Variants in TMEM163 observed in about 807,000 individuals in gnomAD.
The protein encoded by TMEM163 is transmembrane protein 163.
Under a neutral mutation model 29.3 loss-of-function variants are expected in TMEM163, and 17 were observed. The observed-to-expected ratio is 0.58, with a 90% CI of 0.40 to 0.87. The LOEUF is 0.87. TMEM163 is among the 40% of genes least tolerant of loss of function. TMEM163 has a pLI of 0.00. For synonymous variants in TMEM163, 157 were observed against 160.6 expected, an observed-to-expected ratio of 0.98 and a Z score of 0.17; for missense variants, 303 against 381.5, an observed-to-expected ratio of 0.79 and a Z score of 1.71.
intron 4 of TMEM163, among the ~76,000 whole-genome samples, chr2:134,519,660 C>T (rs1680150124): frequency 1.3e-5 from 2 of 151,546 alleles, no homozygotes; most frequent in African/African-American, 4.9e-5. Context: ...TGCAGTGAGC[C>T]GAGATCGTGC....
At chr2:134,602,408 A>G (rs1682255733) in intron 2 of TMEM163, among the ~76,000 whole-genome samples, 1 of 152,136 alleles carries the variant, frequency 6.6e-6, no homozygotes, top group South Asian at 2.1e-4. Context: ...GTGGCATCAT[A>G]AGGTAATGGC....
intron 4 of TMEM163, among the ~76,000 whole-genome samples, chr2:134,526,820 T>G (rs1211793737): frequency 6.6e-6 from 1 of 152,190 alleles, no homozygotes; most frequent in East Asian, 1.9e-4. Context: ...GCCATTATAT[T>G]TTAAGAAGAA....
intron 4 of TMEM163, among the ~76,000 whole-genome samples, chr2:134,548,606 G>A (rs1680841020): frequency 6.6e-6 from 1 of 152,206 alleles, no homozygotes; most frequent in Non-Finnish European, 1.5e-5. Flanking sequence ...ATTAAGTCAA[G>A]GTTGATCATC....
chr2:134,610,838 A>G (rs1682490785), intron 2 of TMEM163, among the ~76,000 whole-genome samples: 1 of 152,126 alleles, frequency 6.6e-6, no homozygotes, highest in Non-Finnish European at 1.5e-5. Flanking sequence ...CCAGGGGAGA[A>G]TGTGAGTGTG....
intron 5 of TMEM163, among the ~76,000 whole-genome samples, chr2:134,490,984 AT>A (rs1026861980): frequency 5.9e-5 from 9 of 152,212 alleles, no homozygotes; most frequent in African/African-American, 2.2e-4. Context: ...ATGAAAAAAA[AT>A]ATTTTCCTTA....
chr2:134,577,942 T>C (rs1681602320), intron 2 of TMEM163, among the ~76,000 whole-genome samples: 1 of 152,196 alleles, frequency 6.6e-6, no homozygotes, highest in Non-Finnish European at 1.5e-5. Context: ...AGGATGTGTG[T>C]AGGTTACATG....
chr2:134,570,541 T>C (rs12466829), intron 2 of TMEM163, among the ~76,000 whole-genome samples: 5,201 of 148,340 alleles, frequency 0.035, 217 homozygotes, highest in Middle Eastern at 0.14. Context: ...TCATTTTTGC[T>C]CATTCTGCCC....
At chr2:134,575,483 C>T (rs1010792039) in intron 2 of TMEM163, among the ~76,000 whole-genome samples, 5 of 152,182 alleles carry the variant, frequency 3.3e-5, no homozygotes, top group Non-Finnish European at 5.9e-5. Context: ...AAAACAATCT[C>T]TGCCTCTTAG....
intron 2 of TMEM163, among the ~76,000 whole-genome samples, chr2:134,627,676 C>A (rs529092539): frequency 6.6e-6 from 1 of 152,242 alleles, no homozygotes; most frequent in African/African-American, 2.4e-5. Context: ...TATGGATACG[C>A]AACAGAGACA....
intron 4 of TMEM163, among the ~76,000 whole-genome samples, chr2:134,507,961 G>C (rs1168864351): frequency 1.4e-5 from 2 of 146,670 alleles, no homozygotes; most frequent in Non-Finnish European, 3.0e-5. Context: ...GGTAGTTAAA[G>C]CCTCCTTTTT....
rs1302206185 is a variant in TMEM163 at position 134,718,832 on chromosome 2, G to GGGGCC, written c.99_103dup (p.Pro35ArgfsTer4). 1 of 1,129,184 alleles carries GGGGCC rather than the reference G, an allele frequency of 8.9e-7. No homozygotes were observed. Among genetic ancestry groups the GGGGCC allele is most frequent in the Non-Finnish European group, 1.1e-6 (1 of 922,864 alleles). The allele number at this position is 1,129,184 out of a possible 1,614,324, so 69.9% of individuals were successfully genotyped here. On this transcript the variant is annotated frameshift_variant, in exon 1 of 8. Coordinates refer to ENST00000281924, the MANE Select transcript of TMEM163 (RefSeq NM_030923.5). LOFTEE classifies it high-confidence loss of function. The stretch of plus-strand genomic sequence containing the variant: ...CGGCTCGCGCACCGGGGAGCTCAGC[G>GGGGCC]GGGCCGGGCCGGGGGCGGCAGCCGG...
At chr2:134,458,309 C>T in intron 6 of TMEM163, 136 bp from the exon 7 acceptor site, 2 of 1,019,030 alleles carry the variant, frequency 2.0e-6, no homozygotes, top group African/African-American at 3.2e-5. Flanking sequence ...GAGTGATAGC[C>T]ACCACCTGGG....
At chr2:134,540,742 A>G (rs1680646514) in intron 4 of TMEM163, among the ~76,000 whole-genome samples, 1 of 152,228 alleles carries the variant, frequency 6.6e-6, no homozygotes, top group East Asian at 1.9e-4. Flanking sequence ...TAATACCTCT[A>G]CTTAACAGAG....
At chr2:134,674,486 G>GGCGC (rs752979552) in intron 2 of TMEM163, among the ~76,000 whole-genome samples, 135 of 91,598 alleles carry the variant, frequency 1.5e-3, no homozygotes, top group Middle Eastern at 7.7e-3. Flanking sequence ...TGGGACTACA[G>GGCGC]GCGCGCGCGC....
intron 2 of TMEM163, among the ~76,000 whole-genome samples, chr2:134,571,628 AC>A (rs1681434590): frequency 6.6e-6 from 1 of 152,202 alleles, no homozygotes; most frequent in South Asian, 2.1e-4. Context: ...AAGATTTATG[AC>A]AGCAAAAGGA....
chr2:134,466,151 C>T lies in TMEM163; in HGVS notation c.630G>A (p.Leu210=), dbSNP rs1021336111. 1 of 1,613,994 alleles carries T rather than the reference C, an allele frequency of 6.2e-7. No homozygotes were observed. ...CSILAVLKFM[L]GKVLTSRALI... is the part of the protein sequence containing the mutation. Reference sequence around the variant, plus strand: ...GTGCTCTACTGGTCAGAACCTTCCCCAGCATGAACTTCAACACGGCCAGGA... The same window carrying T: ...GTGCTCTACTGGTCAGAACCTTCCCTAGCATGAACTTCAACACGGCCAGGA... Residue 210 remains leucine, a synonymous_variant, in exon 6 of 8, where the codon CTG becomes CTA. Transcript: ENST00000281924.
At chr2:134,549,533 G>A (rs1261768476) in intron 4 of TMEM163, among the ~76,000 whole-genome samples, 1 of 152,028 alleles carries the variant, frequency 6.6e-6, no homozygotes, top group Non-Finnish European at 1.5e-5. Context: ...TTGTAGAGAT[G>A]GGGTTTCACC....
At position 134,487,075 on chromosome 2, in the gene TMEM163, G is replaced by A. The variant is rs77859778; in HGVS notation, c.555+15826C>T. ...GAAATTGAGAAGCCCTTCTGTTACA[G>A]TAAGAACCAACAGAAGGATATAGGA... is the stretch of plus-strand genomic sequence containing the variant. On this transcript the variant is annotated intron_variant, in intron 5 of 7. Transcript: ENST00000281924. 7.9e-5 allele frequency among the ~76,000 whole-genome samples: 12 copies of A among 152,220 alleles called. No individual in the cohort carries two copies. The East Asian group carries it at 2.1e-3, about 27-fold the overall frequency.
At chr2:134,656,163 A>C (rs1019138917) in intron 2 of TMEM163, among the ~76,000 whole-genome samples, 4 of 144,802 alleles carry the variant, frequency 2.8e-5, no homozygotes, top group South Asian at 4.4e-4. Context: ...GCCGCCTTGC[A>C]GTTTGATCTC....
Sources: allele counts gnomAD v4.1 joint callset (sites outside exome capture counted in the v4.1 genomes callset), GRCh38; gene constraint gnomAD v4.1.1; transcripts MANE v1.5; gene names NCBI Gene and HGNC (gene_info 2026-07-23, HGNC 2026-07-21).